The following ROR1 variants were observed in gnomAD, a reference collection of about 807,000 sequenced individuals.
The protein encoded by ROR1 is ROR family WNT receptor 1.
ROR1 carries 19 observed loss-of-function variants against 78.8 expected under a neutral mutation model. That is an observed-to-expected ratio of 0.24 (90% CI 0.17 to 0.35). The LOEUF is 0.35. ROR1 is among the 10% of genes least tolerant of loss of function. The probability of loss-of-function intolerance (pLI) is 1.00; values close to 1 mark genes in which losing one functional copy is unlikely to be tolerated. For synonymous variants in ROR1, 386 were observed against 433.6 expected (o/e 0.89, Z 1.36); for missense variants, 917 against 1,177.8 (o/e 0.78, Z 3.24).
intron 4 of ROR1, among the ~76,000 whole-genome samples, chr1:64,069,354 T>C (rs892098199): frequency 5.3e-5 from 8 of 152,180 alleles, no homozygotes; most frequent in African/African-American, 1.9e-4. Flanking sequence ...CGGAGAGACT[T>C]TCCTTGCCTC....
chr1:64,147,542 C>G (rs1337119923), intron 7 of ROR1, among the ~76,000 whole-genome samples: 1 of 152,184 alleles, frequency 6.6e-6, no homozygotes, highest in Non-Finnish European at 1.5e-5. Flanking sequence ...TCAGCATCAG[C>G]TGTGCTCAGG....
chr1:63,946,016 C>G (rs1014512394), intron 1 of ROR1, among the ~76,000 whole-genome samples: 5 of 152,158 alleles, frequency 3.3e-5, no homozygotes, highest in African/African-American at 1.2e-4. Flanking sequence ...GGCAATTGTG[C>G]TATCAGAAGT....
In ROR1 at chr1:64,071,341, G is replaced by A. The variant is rs536104838; in HGVS notation, c.482+20625G>A. On this transcript the variant is annotated intron_variant, in intron 4 of 8. Transcript: ENST00000371079. ...CTGGAAGAGCAATAAGGAAGTTTTT[G>A]CACTAGTCTAGATGTGAAAATAGGT... Among the ~76,000 whole-genome samples the A allele has an allele frequency of 3.3e-5, 5 of 152,268 alleles. No homozygotes were observed. In the South Asian group the frequency reaches 1.0e-3, roughly 32 times the overall value.
rs773798754 is a variant in ROR1, at chr1:64,177,872, T to C, written c.1831T>C (p.Phe611Leu). ...AGMEYLSSHF[F>L]VHKDLAARNI... The stretch of plus-strand genomic sequence containing the variant: ...CATGGAATACCTGTCTAGTCACTTC[T>C]TTGTCCACAAGGACCTTGCAGCTCG... Residue 611 changes from phenylalanine (F) to leucine (L), a missense_variant, in exon 9 of 9, where the codon TTT (phenylalanine) becomes CTT (leucine). Transcript: ENST00000371079. The C allele has an allele frequency of 6.2e-7, 1 of 1,614,208 alleles. No homozygotes were observed. The highest frequency in any genetic ancestry group is 8.5e-7 in the Non-Finnish European group (1 of 1,180,022).
At chr1:64,071,746 A>C (rs975482036) in intron 4 of ROR1, among the ~76,000 whole-genome samples, 1 of 152,242 alleles carries the variant, frequency 6.6e-6, no homozygotes. Context: ...GCATGAAGAC[A>C]GAATAAGTCT....
intron 1 of ROR1, among the ~76,000 whole-genome samples, chr1:63,809,840 A>C (rs965214980): frequency 1.3e-5 from 2 of 152,148 alleles, no homozygotes; most frequent in African/African-American, 4.8e-5. Flanking sequence ...TAGGTTTTGG[A>C]TTTTCTTAAA....
intron 1 of ROR1, among the ~76,000 whole-genome samples, chr1:63,867,312 G>A (rs1645222335): frequency 1.3e-5 from 2 of 152,158 alleles, no homozygotes; most frequent in Admixed American, 1.3e-4. Context: ...CGCTCACGGA[G>A]GTTTATTGGC....
chr1:63,978,694 A>G (rs1344957307), intron 1 of ROR1, among the ~76,000 whole-genome samples: 2 of 152,246 alleles, frequency 1.3e-5, no homozygotes, highest in East Asian at 3.8e-4. Context: ...ATAAGAGAAC[A>G]TGTATAAGCA....
intron 7 of ROR1, among the ~76,000 whole-genome samples, chr1:64,150,445 A>G (rs1020312638): frequency 1.3e-5 from 2 of 152,236 alleles, no homozygotes; most frequent in Non-Finnish European, 2.9e-5. Context: ...GTCACAAACC[A>G]TATTCTGCAA....
chr1:63,955,631 T>C (rs1645975001), intron 1 of ROR1, among the ~76,000 whole-genome samples: 1 of 152,170 alleles, frequency 6.6e-6, no homozygotes. Flanking sequence ...TCTTCTTCTT[T>C]TGAAGGGAAA....
chr1:64,000,193 C>T (rs1457769701), intron 1 of ROR1, among the ~76,000 whole-genome samples: 2 of 151,894 alleles, frequency 1.3e-5, no homozygotes, highest in East Asian at 3.9e-4. Flanking sequence ...TAAGGAAGGG[C>T]AGTCAAGTGG....
chr1:64,008,596 C>T (rs535737170), intron 1 of ROR1, among the ~76,000 whole-genome samples: 6 of 152,194 alleles, frequency 3.9e-5, no homozygotes, highest in African/African-American at 9.6e-5. Context: ...ATTAGCATTC[C>T]GTTTTCTCTG....
intron 1 of ROR1, among the ~76,000 whole-genome samples, chr1:63,824,590 A>G (rs115285521): frequency 0.023 from 3,481 of 152,276 alleles, 71 homozygotes; most frequent in Admixed American, 0.04. Flanking sequence ...TGGTTTTGCA[A>G]ATTTGCTACA....
intron 1 of ROR1, among the ~76,000 whole-genome samples, chr1:63,944,874 C>T (rs563508012): frequency 6.6e-6 from 1 of 152,248 alleles, no homozygotes; most frequent in East Asian, 1.9e-4. Flanking sequence ...CTCTTCTCTG[C>T]TTTTCCCACA....
intron 4 of ROR1, among the ~76,000 whole-genome samples, chr1:64,074,470 G>A (rs1195957919): frequency 6.6e-6 from 1 of 152,200 alleles, no homozygotes; most frequent in African/African-American, 2.4e-5. Context: ...GATCTTAAAG[G>A]ATGGAGAGGA....
chr1:64,059,239 G>T (rs1354519210), intron 4 of ROR1, among the ~76,000 whole-genome samples: 2 of 150,610 alleles, frequency 1.3e-5, no homozygotes, highest in African/African-American at 4.9e-5. Flanking sequence ...TGCCAATTTT[G>T]TTGGCAAAGA....
rs187766874 is a variant in ROR1 at position 63,806,532 on chromosome 1, T to G, written c.91+32024T>G. Among the ~76,000 whole-genome samples, 349 of 152,334 alleles carry G rather than the reference T, an allele frequency of 2.3e-3. 5 individuals carry two copies. The Middle Eastern group carries it at 0.031, about 13-fold the overall frequency. On this transcript the variant is annotated intron_variant, in intron 1 of 8. Coordinates refer to ENST00000371079, the MANE Select transcript of ROR1 (RefSeq NM_005012.4). ...CGGAGTTTCACTGCGTTAGCCAGGA[T>G]GGTCTCGATCTCCTGACCTTGTGAT...
chr1:63,785,446 A>G (rs1644677873), intron 1 of ROR1, among the ~76,000 whole-genome samples: 1 of 151,846 alleles, frequency 6.6e-6, no homozygotes, highest in African/African-American at 2.4e-5. Flanking sequence ...CCTGTTGGAG[A>G]CCAGTGGTGT....
chr1:64,159,055 G>T lies in ROR1; in HGVS notation c.1249G>T (p.Ala417Ser). Residue 417 changes from alanine (A) to serine (S), a missense_variant, in exon 8 of 9, where the codon GCC becomes TCC. Physicochemically the swap from Ala to Ser is moderately conservative, Grantham distance 99. Transcript: ENST00000371079. ...ILVPSVAIPL[A>S]IALLFFFICV... ...AGTGCCAAGTGTGGCCATTCCCCTG[G>T]CCATTGCTTTACTCTTCTTCTTCAT... 1 of 1,614,122 alleles carries T rather than the reference G, an allele frequency of 6.2e-7. No homozygotes were observed. The highest frequency in any genetic ancestry group is 1.1e-5 in the South Asian group (1 of 91,084).
Sources: allele counts gnomAD v4.1 joint callset (sites outside exome capture counted in the v4.1 genomes callset), GRCh38; gene constraint gnomAD v4.1.1; transcripts MANE v1.5; gene names NCBI Gene and HGNC (gene_info 2026-07-23, HGNC 2026-07-21).